ARHGAP19: variants seen among roughly 807,000 people sequenced by gnomAD.
ARHGAP19 encodes the protein Rho GTPase activating protein 19, also known as rho GTPase-activating protein 19.
Under a neutral mutation model 60.9 loss-of-function variants are expected in ARHGAP19, and 48 were observed. The observed-to-expected ratio is 0.79, with a 90% CI of 0.62 to 1.00. ARHGAP19 has a LOEUF of 1.00. Ranked by LOEUF, ARHGAP19 falls within the 50% of genes least tolerant of loss-of-function variation. The probability of loss-of-function intolerance (pLI) is 0.00; values close to 1 mark genes in which losing one functional copy is unlikely to be tolerated. For synonymous variants in ARHGAP19, 209 were observed against 215.5 expected (o/e 0.97, Z 0.27); for missense variants, 562 against 597.2 (o/e 0.94, Z 0.61).
At chr10:97,231,617 T>A (rs1484055029) in intron 9 of ARHGAP19, among the ~76,000 whole-genome samples, 2 of 152,190 alleles carry the variant, frequency 1.3e-5, no homozygotes, top group Non-Finnish European at 2.9e-5. Flanking sequence ...GATTCACGCA[T>A]GTTGTAGGAT....
chr10:97,241,730 C>A (rs11189059), intron 8 of ARHGAP19, among the ~76,000 whole-genome samples: 5 of 149,416 alleles, frequency 3.3e-5, no homozygotes, highest in Non-Finnish European at 7.4e-5. Context: ...TAAAAATAGG[C>A]CGGGTGCAGT....
chr10:97,259,960 C>T (rs908985516), intron 4 of ARHGAP19, among the ~76,000 whole-genome samples: 12 of 151,892 alleles, frequency 7.9e-5, no homozygotes, highest in Non-Finnish European at 1.3e-4. Flanking sequence ...CTCAGCCTCC[C>T]GAGTAGCTGG....
chr10:97,233,559 A>T (rs1851066796), intron 9 of ARHGAP19, among the ~76,000 whole-genome samples: 1 of 152,120 alleles, frequency 6.6e-6, no homozygotes, highest in Non-Finnish European at 1.5e-5. Context: ...ACCAAACACC[A>T]CATGTTCTCA....
At chr10:97,255,075 G>A (rs906663766) in intron 6 of ARHGAP19, among the ~76,000 whole-genome samples, 4 of 152,158 alleles carry the variant, frequency 2.6e-5, no homozygotes, top group Admixed American at 6.5e-5. Context: ...AGGGTTTTAC[G>A]GAGTTACTGT....
At chr10:97,264,691 T>C in intron 3 of ARHGAP19, 135 bp downstream of exon 3, 1 of 598,282 alleles carries the variant, frequency 1.7e-6, no homozygotes, top group South Asian at 2.1e-5. Flanking sequence ...TTTAAAAACA[T>C]GCCACCCAAA....
intron 1 of ARHGAP19, among the ~76,000 whole-genome samples, chr10:97,287,515 G>A (rs1352477095): frequency 2.0e-5 from 3 of 152,184 alleles, no homozygotes; most frequent in Non-Finnish European, 4.4e-5. Flanking sequence ...GCCAAGGCAA[G>A]AGGAATGCTT....
intron 1 of ARHGAP19, among the ~76,000 whole-genome samples, chr10:97,281,387 G>C (rs758184579): frequency 6.6e-6 from 1 of 152,138 alleles, no homozygotes; most frequent in Non-Finnish European, 1.5e-5. Context: ...AGTCATAACA[G>C]AGTGAGACCC....
At chr10:97,240,435 T>G (rs961904691) in intron 8 of ARHGAP19, among the ~76,000 whole-genome samples, 6 of 152,228 alleles carry the variant, frequency 3.9e-5, no homozygotes, top group African/African-American at 1.4e-4. Context: ...GCAGATCACC[T>G]GAGGCGAGGA....
chr10:97,224,265 G>A lies in ARHGAP19; in HGVS notation c.*1857C>T, dbSNP rs1047177324. ...TTAAGGAAGAATACCATTTCAATTT[G>A]GTGATACCCAAAGGGTTTTCTGTTT... On this transcript the variant is annotated 3_prime_UTR_variant, in exon 12 of 12. Transcript: ENST00000358531. 5 of 152,114 alleles carry A rather than the reference G, an allele frequency of 3.3e-5. No homozygotes were observed. Among genetic ancestry groups the A allele is most frequent in the African/African-American group, 1.2e-4 (5 of 41,400 alleles). The allele number at this position is 152,114 out of a possible 1,614,324, so 9.4% of individuals were successfully genotyped here. A position where few individuals can be genotyped will look rare whatever the true frequency, so the allele number is the denominator to read the frequency against.
intron 8 of ARHGAP19, among the ~76,000 whole-genome samples, chr10:97,242,022 A>AAT (rs1554862032): frequency 4.3e-5 from 6 of 140,736 alleles, no homozygotes; most frequent in Admixed American, 1.4e-4. Flanking sequence ...AAAAAAAAAA[A>AAT]AATAATAATA....
chr10:97,226,211 G>A, intron 11 of ARHGAP19, 79 bp from the exon 12 acceptor site: 1 of 1,421,222 alleles, frequency 7.0e-7, no homozygotes, highest in Non-Finnish European at 9.8e-7. Flanking sequence ...AAAAGCTACA[G>A]GGTCTACACT....
At chr10:97,291,185 C>T (rs549528943) in intron 1 of ARHGAP19, among the ~76,000 whole-genome samples, 2 of 152,152 alleles carry the variant, frequency 1.3e-5, no homozygotes, top group Admixed American at 6.5e-5. Flanking sequence ...GAGCCAGCAA[C>T]GGCCACCCAC....
chr10:97,226,476 G>A (rs1850896985), intron 11 of ARHGAP19, among the ~76,000 whole-genome samples: 1 of 152,128 alleles, frequency 6.6e-6, no homozygotes, highest in African/African-American at 2.4e-5. Context: ...TTTGCCCGAG[G>A]ACTAATATAT....
intron 1 of ARHGAP19, among the ~76,000 whole-genome samples, chr10:97,286,811 C>T (rs998918236): frequency 6.6e-6 from 1 of 152,208 alleles, no homozygotes; most frequent in African/African-American, 2.4e-5. Flanking sequence ...AAATACTAAG[C>T]TGTGCGTATT....
chr10:97,230,546 AT>A lies in ARHGAP19; in HGVS notation c.1285-673del, dbSNP rs200759207. On this transcript the variant is annotated intron_variant, in intron 9 of 11. Coordinates refer to ENST00000358531, the MANE Select transcript of ARHGAP19 (RefSeq NM_032900.6). ...TGACAATTCTACCATCTTTGGAGAA[AT>A]TTTTTTTTCCCTTAGAGAATAAATT... 1.5e-4 allele frequency among the ~76,000 whole-genome samples: 23 copies of A among 151,966 alleles called. No individual in the cohort carries two copies. The East Asian group carries it at 3.5e-3, about 23-fold the overall frequency.
At chr10:97,272,413 G>A (rs998635557) in intron 1 of ARHGAP19, among the ~76,000 whole-genome samples, 70 of 152,050 alleles carry the variant, frequency 4.6e-4, no homozygotes, top group African/African-American at 1.5e-3. Flanking sequence ...GAGCCACCAC[G>A]CGTGGCCAAT....
At chr10:97,291,952 A>ATC (rs1843240436) in intron 1 of ARHGAP19, among the ~76,000 whole-genome samples, 1 of 152,144 alleles carries the variant, frequency 6.6e-6, no homozygotes, top group East Asian at 1.9e-4. Context: ...TCCCTCTCCC[A>ATC]TCTGCTCCTT....
At chr10:97,255,754 C>G (rs565073232) in intron 6 of ARHGAP19, among the ~76,000 whole-genome samples, 6 of 152,268 alleles carry the variant, frequency 3.9e-5, no homozygotes, top group African/African-American at 1.4e-4. Context: ...CAGATCCTCT[C>G]AATTAAACCA....
At chr10:97,282,141 C>T (rs933843425) in intron 1 of ARHGAP19, among the ~76,000 whole-genome samples, 4 of 152,168 alleles carry the variant, frequency 2.6e-5, no homozygotes, top group Non-Finnish European at 4.4e-5. Context: ...GTGAGCATGT[C>T]ATCCAAGCTT....
Sources: gnomAD v4.1 joint callset for allele counts (sites outside exome capture counted in the v4.1 genomes callset) on GRCh38, gnomAD v4.1.1 for gene constraint, MANE v1.5 for transcripts, NCBI Gene and HGNC (gene_info 2026-07-23, HGNC 2026-07-21) for gene names.